The following CHD1 variants were observed in gnomAD, a reference collection of about 807,000 sequenced individuals.
The protein encoded by CHD1 is ATP-dependent chromatin remodeler CHD1.
Under a neutral mutation model 224.2 loss-of-function variants are expected in CHD1, and 36 were observed. The observed-to-expected ratio is 0.16, with a 90% confidence interval of 0.12 to 0.21. The LOEUF (loss-of-function observed/expected upper bound fraction) is 0.21, where lower values mean the gene tolerates loss of function less well. Ranked by LOEUF, CHD1 falls within the 10% of genes least tolerant of loss-of-function variation. The pLI is 1.00. For synonymous variants in CHD1, 668 were observed against 658.3 expected (o/e 1.01, Z -0.23); for missense variants, 1,378 against 1,994.8 (o/e 0.69, Z 5.89).
At chr5:98,875,859 C>A (rs989706026) in intron 24 of CHD1, among the ~76,000 whole-genome samples, 1 of 152,094 alleles carries the variant, frequency 6.6e-6, no homozygotes, top group African/African-American at 2.4e-5. Context: ...GCTGTTATCC[C>A]ATTCCTCTTA....
rs1378014208 is a variant in CHD1, at chr5:98,855,209, T to C, written c.*1171A>G. The stretch of plus-strand genomic sequence containing the variant: ...AAATTACAGGAGCCCACATATCCTT[T>C]TTCTTAAATTTAATTTGTCATATAT... On this transcript the variant is annotated 3_prime_UTR_variant, in exon 36 of 36. Transcript: ENST00000614616. 1 of 152,622 alleles carries C rather than the reference T, an allele frequency of 6.6e-6. No individual in the cohort carries two copies. The highest frequency in any genetic ancestry group is 1.5e-5 in the Non-Finnish European group (1 of 68,096). The allele number at this position is 152,622 out of a possible 1,614,324, so 9.5% of individuals were successfully genotyped here. A position where few individuals can be genotyped will look rare whatever the true frequency, so the allele number is the denominator to read the frequency against.
chr5:98,884,646 A>G (rs1299427809), intron 18 of CHD1, among the ~76,000 whole-genome samples: 2 of 152,110 alleles, frequency 1.3e-5, no homozygotes, highest in East Asian at 3.9e-4. Context: ...CTGTTTCCCA[A>G]AAATCCACGG....
At chr5:98,911,130 GA>G (rs11451331) in intron 2 of CHD1, among the ~76,000 whole-genome samples, 2,294 of 43,952 alleles carry the variant, frequency 0.052, 72 homozygotes, top group Admixed American at 0.091. Context: ...GTGCTAAAAT[GA>G]AAAAAAAAAA....
chr5:98,881,256 T>TC, intron 21 of CHD1, 23 bp downstream of exon 21: 1 of 671,242 alleles, frequency 1.5e-6, no homozygotes, highest in East Asian at 7.7e-5. Context: ...GCAGGCCTTT[T>TC]TTTTTTTTTT....
intron 22 of CHD1, 47 bp downstream of exon 22, chr5:98,881,029 T>C (rs2112390733): frequency 9.5e-7 from 1 of 1,055,526 alleles, no homozygotes; most frequent in East Asian, 2.4e-5. Context: ...CATAACTCAA[T>C]TCCTCTCAAT....
chr5:98,923,186 A>G (rs113672253), intron 2 of CHD1, among the ~76,000 whole-genome samples: 240 of 152,270 alleles, frequency 1.6e-3, no homozygotes, highest in African/African-American at 5.2e-3. Flanking sequence ...ACAGTAGAGC[A>G]TAGTATAGCA....
At chr5:98,917,092 C>A (rs564068178) in intron 2 of CHD1, among the ~76,000 whole-genome samples, 124 of 152,070 alleles carry the variant, frequency 8.2e-4, no homozygotes, top group Non-Finnish European at 5.3e-4. Flanking sequence ...CCAATGGCCC[C>A]ATGCCTTGAC....
intron 18 of CHD1, chr5:98,883,779 G>A (rs1750374841): frequency 6.0e-6 from 1 of 165,618 alleles, no homozygotes; most frequent in Non-Finnish European, 1.1e-5. Flanking sequence ...CCATAAAGAA[G>A]AATGAAATAA....
At chr5:98,880,902 T>C (rs1038085324) in intron 22 of CHD1, among the ~76,000 whole-genome samples, 174 bp downstream of exon 22, 4 of 152,232 alleles carry the variant, frequency 2.6e-5, no homozygotes, top group African/African-American at 7.2e-5. Flanking sequence ...ATAAATGGGT[T>C]TGGTCTCTTT....
At chr5:98,866,018 G>C (rs560161938) in intron 31 of CHD1, among the ~76,000 whole-genome samples, 1 of 152,234 alleles carries the variant, frequency 6.6e-6, no homozygotes, top group Non-Finnish European at 1.5e-5. Flanking sequence ...TAGAGAAGGG[G>C]AAGTAGCTCC....
At chr5:98,876,284 C>T (rs1749748297) in intron 24 of CHD1, 114 bp downstream of exon 24, 1 of 1,039,860 alleles carries the variant, frequency 9.6e-7, no homozygotes, top group Admixed American at 2.1e-5. Flanking sequence ...ACTCAAATAA[C>T]AGATTTGCCT....
At chr5:98,871,992 G>C in intron 28 of CHD1, 59 bp downstream of exon 28, 2 of 1,406,778 alleles carry the variant, frequency 1.4e-6, no homozygotes, top group Non-Finnish European at 1.9e-6. Flanking sequence ...TTAAAAGCAA[G>C]AATTAGAATA....
chr5:98,878,914 A>G (rs925056569), intron 23 of CHD1, among the ~76,000 whole-genome samples: 4 of 152,252 alleles, frequency 2.6e-5, no homozygotes, highest in Non-Finnish European at 4.4e-5. Context: ...TTACATTTCT[A>G]TATCTAAGCT....
At chr5:98,917,186 C>T (rs1752784490) in intron 2 of CHD1, among the ~76,000 whole-genome samples, 3 of 151,464 alleles carry the variant, frequency 2.0e-5, no homozygotes, top group Non-Finnish European at 4.4e-5. Flanking sequence ...CTGCTTTTTG[C>T]TTAAGCCTGT....
intron 2 of CHD1, among the ~76,000 whole-genome samples, chr5:98,917,778 T>C (rs1281882722): frequency 6.6e-6 from 1 of 152,222 alleles, no homozygotes; most frequent in East Asian, 1.9e-4. Context: ...TCTCAATCTA[T>C]CTACACCAAA....
intron 31 of CHD1, among the ~76,000 whole-genome samples, chr5:98,867,536 T>C (rs1316250928): frequency 6.6e-6 from 1 of 151,960 alleles, no homozygotes; most frequent in Non-Finnish European, 1.5e-5. Context: ...TCCTTCACCA[T>C]AAATAAGAAG....
rs554483994 is a variant in CHD1 at position 98,893,333 on chromosome 5, C to T, written c.1991+83G>A. The T allele has an allele frequency of 7.7e-5, 69 of 899,010 alleles. 1 individual carries two copies. The highest frequency in any genetic ancestry group is 1.1e-4 in the Non-Finnish European group (65 of 618,382). The allele number at this position is 899,010 out of a possible 1,614,324, so 55.7% of individuals were successfully genotyped here. On this transcript the variant is annotated intron_variant, in intron 14 of 35. Coordinates refer to ENST00000614616, the MANE Select transcript of CHD1 (RefSeq NM_001270.4). ...ATCTAATCTTTTAGGGCAATAAAAA[C>T]TCTTACTGACCTTATTACCTGGGTT... is the stretch of plus-strand genomic sequence containing the variant.
At chr5:98,873,193 T>A (rs1172084873) in intron 26 of CHD1, among the ~76,000 whole-genome samples, 2 of 152,146 alleles carry the variant, frequency 1.3e-5, no homozygotes, top group Non-Finnish European at 2.9e-5. Context: ...AGCATAATAA[T>A]AAAATAATTA....
chr5:98,908,663 T>A (rs911848646), intron 2 of CHD1, among the ~76,000 whole-genome samples: 3 of 152,192 alleles, frequency 2.0e-5, no homozygotes, highest in African/African-American at 7.2e-5. Flanking sequence ...GTATTACTAA[T>A]CTTTTATAAA....
Sources: gnomAD v4.1 joint callset for allele counts (sites outside exome capture counted in the v4.1 genomes callset) on GRCh38, gnomAD v4.1.1 for gene constraint, MANE v1.5 for transcripts, NCBI Gene and HGNC (gene_info 2026-07-23, HGNC 2026-07-21) for gene names.